Variants in LAMA3 observed in about 807,000 individuals in gnomAD.
LAMA3 encodes the protein laminin subunit alpha-3.
LAMA3 carries 281 observed loss-of-function variants against 402.0 expected under a neutral mutation model. The ratio of observed to expected loss-of-function variants is 0.70; its 90% confidence interval spans 0.63 to 0.77. The LOEUF (loss-of-function observed/expected upper bound fraction) is 0.77, where lower values mean the gene tolerates loss of function less well. Among genes scored for constraint, LAMA3 ranks in the 30% least tolerant of loss-of-function variants. LAMA3 has a pLI of 0.00. For synonymous variants in LAMA3, 1,431 were observed against 1,558.4 expected (o/e 0.92, Z 1.93); for missense variants, 3,840 against 4,215.5 (o/e 0.91, Z 2.47).
intron 74 of LAMA3, among the ~76,000 whole-genome samples, chr18:23,953,343 T>A (rs1161404901): frequency 1.4e-5 from 2 of 146,504 alleles, no homozygotes; most frequent in Non-Finnish European, 3.0e-5. Context: ...TTTTTGTTTT[T>A]TTTTTTGTTT....
chr18:23,932,460 C>T, intron 66 of LAMA3, 169 bp downstream of exon 66: 1 of 679,996 alleles, frequency 1.5e-6, no homozygotes, highest in Non-Finnish European at 2.4e-6. Flanking sequence ...ATTAAAAAAC[C>T]CATAAAAAAC....
chr18:23,725,176 C>T lies in LAMA3; in HGVS notation c.447+11104C>T, dbSNP rs534390916. The stretch of plus-strand genomic sequence containing the variant: ...CCAGGCTAGAGTGCAGTGGCACGAT[C>T]TCGGTTCACTGCAGCCTCCGCCTCC... On this transcript the variant is annotated intron_variant, in intron 2 of 74. Coordinates refer to ENST00000313654, the MANE Select transcript of LAMA3 (RefSeq NM_198129.4). Among the ~76,000 whole-genome samples, 16 of 151,720 alleles carry T rather than the reference C, an allele frequency of 1.1e-4. No individual in the cohort carries two copies. In the South Asian group the frequency reaches 3.3e-3, roughly 32 times the overall value.
At chr18:23,708,166 T>C (rs2060924707) in intron 1 of LAMA3, among the ~76,000 whole-genome samples, 1 of 152,206 alleles carries the variant, frequency 6.6e-6, no homozygotes, top group Admixed American at 6.5e-5. Context: ...CCCAGCGGTC[T>C]GACATACCAC....
At chr18:23,936,061 C>T (rs1008166867) in intron 67 of LAMA3, among the ~76,000 whole-genome samples, 6 of 151,934 alleles carry the variant, frequency 3.9e-5, no homozygotes, top group Admixed American at 3.9e-4. Flanking sequence ...CTCAACACAC[C>T]CCTCTGAGAG....
In LAMA3 at chr18:23,943,963, T is replaced by C; in HGVS notation, c.9202T>C (p.Trp3068Arg). 2.5e-6 allele frequency: 4 copies of C among 1,613,904 alleles called. No individual in the cohort carries two copies. Among genetic ancestry groups the C allele is most frequent in the Non-Finnish European group, 3.4e-6 (4 of 1,179,890 alleles). Residue 3068 changes from tryptophan to arginine, a missense_variant, in exon 69 of 75, where the codon TGG (tryptophan) becomes CGG (arginine). Transcript: ENST00000313654. ...CAAGGAGAAATGCAATGATGGGAAA[T>C]GGCACACGGTAAGAGCTGGGGCTGT... ...KSKEKCNDGKWHTVVFGHDGE... is the reference protein window; with the variant it reads ...KSKEKCNDGKRHTVVFGHDGE...
At chr18:23,840,257 C>T (rs567694963) in intron 27 of LAMA3, among the ~76,000 whole-genome samples, 35 of 152,202 alleles carry the variant, frequency 2.3e-4, no homozygotes, top group African/African-American at 8.2e-4. Flanking sequence ...TTATTCATGG[C>T]CCATATTGTG....
rs1158043016 is a variant in LAMA3, at chr18:23,905,597, A to G, written c.6691A>G (p.Lys2231Glu). 3 of 1,610,062 alleles carry G rather than the reference A, an allele frequency of 1.9e-6. No homozygotes were observed. In the South Asian group the frequency reaches 3.3e-5, roughly 18 times the overall value. Residue 2231 changes from lysine to glutamate, a missense_variant, in exon 52 of 75, where the codon AAG becomes GAG. Physicochemically the swap from Lys to Glu is moderately conservative, Grantham distance 56. Transcript: ENST00000313654. ...SNSDKLLNEA[K>E]MTQKKLKQEV... ...CAGTGATAAACTGTTAAATGAAGCC[A>G]AGATGACACAAAAGAAGCTAAAGCA...
intron 65 of LAMA3, 151 bp from the exon 66 acceptor site, chr18:23,932,009 G>A: frequency 1.1e-6 from 1 of 918,366 alleles, no homozygotes; most frequent in South Asian, 1.4e-5. Flanking sequence ...CATGAAAAAA[G>A]TTGTAATGCT....
chr18:23,822,239 C>T lies in LAMA3; in HGVS notation c.2305-13C>T, dbSNP rs114857709. ...TTTTTTTCTATGCTTTATGGCGTTT[C>T]GGTATTTTTCAGAATGATGTAAGAA... is the stretch of plus-strand genomic sequence containing the variant. On this transcript the variant is annotated splice_polypyrimidine_tract_variant and intron_variant, in intron 19 of 74. Coordinates refer to ENST00000313654, the MANE Select transcript of LAMA3 (RefSeq NM_198129.4). 7.9e-4 allele frequency: 1,269 copies of T among 1,613,644 alleles called. 4 individuals carry two copies. The African/African-American group carries it at 8.0e-3, about 10-fold the overall frequency.
intron 2 of LAMA3, among the ~76,000 whole-genome samples, chr18:23,724,404 AG>A (rs1304389585): frequency 6.6e-6 from 1 of 152,170 alleles, no homozygotes; most frequent in African/African-American, 2.4e-5. Flanking sequence ...TCAATGAAAA[AG>A]CTTCCTTGGA....
In LAMA3 at chr18:23,827,307, G is replaced by C; in HGVS notation, c.2670-7G>C. 6.2e-7 allele frequency: 1 copy of C among 1,614,094 alleles called. No individual in the cohort carries two copies. Among genetic ancestry groups the C allele is most frequent in the South Asian group, 1.1e-5 (1 of 91,086 alleles). ...TATTGATTCCATTGTTGTTGCTGTT[G>C]TTGAAGTTGCTTACTCTACCAGCAT... On this transcript the variant is annotated splice_polypyrimidine_tract_variant and splice_region_variant and intron_variant, in intron 22 of 74. Transcript: ENST00000313654.
chr18:23,706,654 C>T (rs1257794997), intron 1 of LAMA3, among the ~76,000 whole-genome samples: 1 of 152,070 alleles, frequency 6.6e-6, no homozygotes, highest in Non-Finnish European at 1.5e-5. Context: ...TTATATTTTT[C>T]TTATTGATTT....
At chr18:23,927,631 G>T (rs917782830) in intron 62 of LAMA3, among the ~76,000 whole-genome samples, 4 of 151,832 alleles carry the variant, frequency 2.6e-5, no homozygotes, top group African/African-American at 9.7e-5. Context: ...GTAACACTTT[G>T]TTTCTTCTGA....
rs1351053142 is a variant in LAMA3, at chr18:23,814,503, G to A, written c.1888+1G>A. 1 of 1,597,016 alleles carries A rather than the reference G, an allele frequency of 6.3e-7. No individual in the cohort carries two copies. The highest frequency in any genetic ancestry group is 8.6e-7 in the Non-Finnish European group (1 of 1,164,502). ...AAAGAAAACCCCAGTGGATGTTCAG[G>A]TAGGTTTCTTATATGTCATAATTTA... On this transcript the variant is annotated splice_donor_variant, in intron 15 of 74. Coordinates refer to ENST00000313654, the MANE Select transcript of LAMA3 (RefSeq NM_198129.4). LOFTEE classifies it high-confidence loss of function.
chr18:23,814,507 G>A lies in LAMA3; in HGVS notation c.1888+5G>A. ...AAAACCCCAGTGGATGTTCAGGTAG[G>A]TTTCTTATATGTCATAATTTACTAT... On this transcript the variant is annotated splice_donor_5th_base_variant and intron_variant, in intron 15 of 74. Transcript: ENST00000313654. The A allele has an allele frequency of 6.3e-7, 1 of 1,575,704 alleles. No homozygotes were observed. The highest frequency in any genetic ancestry group is 8.7e-7 in the Non-Finnish European group (1 of 1,145,076).
intron 30 of LAMA3, among the ~76,000 whole-genome samples, 161 bp from the exon 31 acceptor site, chr18:23,846,136 G>A (rs568071167): frequency 4.8e-4 from 73 of 152,190 alleles, no homozygotes; most frequent in African/African-American, 1.3e-3. Context: ...GGCTGTCACC[G>A]GCTGAGTCTG....
rs2061787983 is a variant in LAMA3, at chr18:23,753,469, C to T, written c.856-252C>T. On this transcript the variant is annotated intron_variant, in intron 5 of 74. Transcript: ENST00000313654. ...TTCCTATAGGCTATAAAGTATGATTCCTTTCTAAGGCAATTTCCCTTCATG... is the reference window on the plus strand; with the variant it reads ...TTCCTATAGGCTATAAAGTATGATTTCTTTCTAAGGCAATTTCCCTTCATG... 2.6e-5 allele frequency among the ~76,000 whole-genome samples: 4 copies of T among 152,086 alleles called. No homozygotes were observed. The South Asian group carries it at 8.3e-4, about 32-fold the overall frequency.
intron 1 of LAMA3, among the ~76,000 whole-genome samples, chr18:23,698,250 A>G (rs1455944424): frequency 1.6e-5 from 2 of 127,028 alleles, no homozygotes; most frequent in East Asian, 2.3e-4. Context: ...TCTGTCACCC[A>G]GGCTGGAGTG....
At chr18:23,782,278 C>T (rs540577556) in intron 11 of LAMA3, among the ~76,000 whole-genome samples, 2 of 152,180 alleles carry the variant, frequency 1.3e-5, no homozygotes, top group South Asian at 2.1e-4. Context: ...GCTTTCAGGG[C>T]GAGGCATGGT....
Sources: gnomAD v4.1 joint callset for allele counts (sites outside exome capture counted in the v4.1 genomes callset) on GRCh38, gnomAD v4.1.1 for gene constraint, MANE v1.5 for transcripts, NCBI Gene and HGNC (gene_info 2026-07-23, HGNC 2026-07-21) for gene names.